The following EBF4 variants were observed in gnomAD, a reference collection of about 807,000 sequenced individuals.
EBF4 encodes the protein transcription factor COE4.
EBF4 carries 34 observed loss-of-function variants against 67.1 expected under a neutral mutation model. The ratio of observed to expected loss-of-function variants is 0.51; its 90% confidence interval spans 0.39 to 0.67. EBF4 has a LOEUF of 0.67. Ranked by LOEUF, EBF4 falls within the 30% of genes least tolerant of loss-of-function variation. EBF4 has a pLI of 0.00. For missense variants in EBF4, 837 were observed against 873.3 expected (o/e 0.96, Z 0.52); for synonymous variants, 387 against 377.7 (o/e 1.02, Z -0.29).
chr20:2,741,725 A>G (rs748832238), intron 6 of EBF4, among the ~76,000 whole-genome samples: 10 of 152,184 alleles, frequency 6.6e-5, no homozygotes, highest in Non-Finnish European at 1.2e-4. Flanking sequence ...GTCATGATGC[A>G]TAACTACCAT....
chr20:2,692,927 G>C (rs1388681814), upstream of EBF4: 1 of 145,944 alleles, frequency 6.9e-6, no homozygotes, highest in Non-Finnish European at 1.5e-5. This position sits in a 1 kb window ranked among gnomAD's most constrained non-coding sequence, Gnocchi z 6.4. Flanking sequence ...GGAGTCGGCC[G>C]GGCTGCTGCT....
At chr20:2,708,563 G>C (rs11087555) in intron 5 of EBF4, among the ~76,000 whole-genome samples, 52 of 152,122 alleles carry the variant, frequency 3.4e-4, no homozygotes, top group African/African-American at 8.7e-4. Flanking sequence ...AAGAGAACAG[G>C]GTTCTGAAAT....
intron 6 of EBF4, among the ~76,000 whole-genome samples, chr20:2,720,126 A>G (rs950980163): frequency 3.9e-5 from 6 of 152,172 alleles, no homozygotes; most frequent in Non-Finnish European, 8.8e-5. Flanking sequence ...TCTTTATCAT[A>G]AAATTCACAA....
At chr20:2,728,008 G>A (rs1345191496) in intron 6 of EBF4, among the ~76,000 whole-genome samples, 1 of 152,050 alleles carries the variant, frequency 6.6e-6, no homozygotes, top group Non-Finnish European at 1.5e-5. Context: ...CCATTCTACA[G>A]GTTGCCTTTT....
chr20:2,698,491 G>C (rs1289213354), intron 1 of EBF4, among the ~76,000 whole-genome samples: 2 of 152,242 alleles, frequency 1.3e-5, no homozygotes, highest in Non-Finnish European at 2.9e-5. Context: ...GGCCCAGCTT[G>C]ATCATCATCA....
intron 15 of EBF4, among the ~76,000 whole-genome samples, chr20:2,758,616 C>G (rs6138886): frequency 6.6e-6 from 1 of 152,034 alleles, no homozygotes; most frequent in East Asian, 1.9e-4. Context: ...CATGGCCATG[C>G]GCTTGAGGAA....
At chr20:2,718,171 TTTTTAAATATACTG>T (rs2146416074) in intron 6 of EBF4, among the ~76,000 whole-genome samples, 1 of 152,364 alleles carries the variant, frequency 6.6e-6, no homozygotes, top group South Asian at 2.1e-4. Context: ...ATGTATTATC[TTTTTAAATATACTG>T]TTTGATTCTA....
intron 1 of EBF4, among the ~76,000 whole-genome samples, chr20:2,697,818 A>G (rs1384769189): frequency 6.6e-6 from 1 of 152,174 alleles, no homozygotes; most frequent in African/African-American, 2.4e-5. Context: ...GCACAGAAGT[A>G]GCTCTCTTCT....
At chr20:2,752,358 C>G (rs1483425670) in exon 14 of EBF4, 2 of 1,220,204 alleles carry the variant, frequency 1.6e-6, no homozygotes, top group East Asian at 7.1e-5. Flanking sequence ...CTCTCGCAGG[C>G]TACGCGCGCA....
intron 6 of EBF4, among the ~76,000 whole-genome samples, chr20:2,732,073 A>G (rs1444843235): frequency 2.0e-5 from 3 of 148,820 alleles, no homozygotes; most frequent in Non-Finnish European, 4.5e-5. Flanking sequence ...TGCTTCATGC[A>G]TTTTGGAGCT....
intron 1 of EBF4, among the ~76,000 whole-genome samples, chr20:2,699,652 G>A (rs2087346778): frequency 6.6e-6 from 1 of 152,248 alleles, no homozygotes; most frequent in Admixed American, 6.5e-5. Flanking sequence ...TCTTGCAGAA[G>A]TGGTTAATGT....
intron 1 of EBF4, among the ~76,000 whole-genome samples, chr20:2,704,131 A>G (rs6115635): frequency 0.021 from 3,123 of 152,184 alleles, 104 homozygotes; most frequent in African/African-American, 0.07. Context: ...GCCATAGTCT[A>G]TTGACCTCAC....
At chr20:2,748,500 TG>T in intron 6 of EBF4, 48 bp from the exon 7 acceptor site, 1 of 1,522,140 alleles carries the variant, frequency 6.6e-7, no homozygotes, top group African/African-American at 1.4e-5. Context: ...GATCTTCATC[TG>T]TTTCCAGAAC....
At chr20:2,750,316 G>A (rs924153623) in intron 10 of EBF4, among the ~76,000 whole-genome samples, 5 of 151,702 alleles carry the variant, frequency 3.3e-5, no homozygotes, top group Non-Finnish European at 7.3e-5. Context: ...CCTCTCCAAA[G>A]GGATGTTTAT....
At chr20:2,740,927 C>T (rs185668937) in intron 6 of EBF4, among the ~76,000 whole-genome samples, 166 of 152,038 alleles carry the variant, frequency 1.1e-3, no homozygotes, top group African/African-American at 3.9e-3. Context: ...GGGGCAGCTG[C>T]GAGCCATTTG....
In EBF4 at chr20:2,717,813, C is replaced by CTT. The variant is rs796712582; in HGVS notation, c.557+8185_557+8186dup. ...AATATACGCAGTGGTAGTGGGCATT[C>CTT]TTTTTTTTTTTTTTTGAGACAGAGT... On this transcript the variant is annotated intron_variant, in intron 6 of 16. Transcript: ENST00000609451. Among the ~76,000 whole-genome samples, 643 of 140,716 alleles carry CTT rather than the reference C, an allele frequency of 4.6e-3. 9 individuals are homozygous for CTT. Among genetic ancestry groups the CTT allele is most frequent in the African/African-American group, 0.015 (583 of 38,400 alleles). 92.3% of individuals were successfully genotyped at this position (140,716 alleles called of 152,430 possible). A position where few individuals can be genotyped will look rare whatever the true frequency, so the allele number is the denominator to read the frequency against.
At chr20:2,698,361 T>C (rs1369162696) in intron 1 of EBF4, among the ~76,000 whole-genome samples, 1 of 152,096 alleles carries the variant, frequency 6.6e-6, no homozygotes, top group Admixed American at 6.5e-5. Context: ...ATTGTTGAGG[T>C]GGGTGTGCCC....
chr20:2,748,666 A>G (rs754703612), intron 7 of EBF4, 36 bp downstream of exon 7: 78 of 1,535,250 alleles, frequency 5.1e-5, no homozygotes, highest in Non-Finnish European at 6.4e-5. Context: ...TTGCAACCCC[A>G]CCCTTTCCTG....
chr20:2,752,031 C>T (rs2088156766), intron 12 of EBF4, 44 bp downstream of exon 12: 1 of 1,506,610 alleles, frequency 6.6e-7, no homozygotes, highest in Non-Finnish European at 8.8e-7. Flanking sequence ...ACCGGGGCCC[C>T]CCAGCACGCG....
Sources: allele counts gnomAD v4.1 joint callset (sites outside exome capture counted in the v4.1 genomes callset), GRCh38; gene constraint gnomAD v4.1.1; non-coding constraint Gnocchi (gnomAD v3.1); transcripts MANE v1.5; gene names NCBI Gene and HGNC (gene_info 2026-07-23, HGNC 2026-07-21).